Variants in NEDD4L observed in about 807,000 individuals in gnomAD.
The protein encoded by NEDD4L is NEDD4 like E3 ubiquitin protein ligase.
Under a neutral mutation model 148.9 loss-of-function variants are expected in NEDD4L, and 54 were observed. The ratio of observed to expected loss-of-function variants is 0.36; its 90% CI spans 0.29 to 0.45. NEDD4L has a LOEUF of 0.45. Ranked by LOEUF, NEDD4L falls within the 20% of genes least tolerant of loss-of-function variation. NEDD4L has a pLI of 1.00. For synonymous variants in NEDD4L, 433 were observed against 440.7 expected (o/e 0.98, Z 0.22); for missense variants, 856 against 1,233.8 (o/e 0.69, Z 4.59).
intron 1 of NEDD4L, among the ~76,000 whole-genome samples, chr18:58,050,011 A>G (rs760411102): frequency 5.9e-5 from 9 of 151,364 alleles, no homozygotes; most frequent in East Asian, 1.9e-4. Flanking sequence ...ACTAATGAAT[A>G]GAATTTATTT....
chr18:58,385,686 G>C lies in NEDD4L; in HGVS notation c.2487+100G>C, dbSNP rs4149615. ...AGCTAGTGTGGTGGAGCTGATCAGA[G>C]ACAGAGGCGAGGCTGGGGACCCTGC... On this transcript the variant is annotated intron_variant, in intron 26 of 30. Transcript: ENST00000400345. 5,106 of 977,964 alleles carry C rather than the reference G, an allele frequency of 5.2e-3. 40 individuals carry two copies. Among genetic ancestry groups the C allele is most frequent in the South Asian group, 0.019 (1,337 of 72,010 alleles). The allele number at this position is 977,964 out of a possible 1,614,324, so 60.6% of individuals were successfully genotyped here.
At position 58,288,549 on chromosome 18, in the gene NEDD4L, T is replaced by C. The variant is rs535098834; in HGVS notation, c.298-27433T>C. Among the ~76,000 whole-genome samples, 332 of 152,338 alleles carry C rather than the reference T, an allele frequency of 2.2e-3. 3 individuals are homozygous for C. Among genetic ancestry groups the C allele is most frequent in the South Asian group, 5.8e-3 (28 of 4,828 alleles). On this transcript the variant is annotated intron_variant, in intron 5 of 30. Coordinates refer to ENST00000400345, the MANE Select transcript of NEDD4L (RefSeq NM_001144967.3). ...TGAGTGATTTAACTGAATTTTATAG[T>C]TTAATATTGTTGTTGTTTTAACTAA...
intron 2 of NEDD4L, among the ~76,000 whole-genome samples, chr18:58,199,012 G>A (rs769765709): frequency 1.1e-3 from 161 of 152,132 alleles, no homozygotes; most frequent in South Asian, 2.3e-3. Flanking sequence ...GGCTGGTCTC[G>A]AACTCCTGAC....
chr18:58,061,579 TC>T (rs2144699015), intron 1 of NEDD4L, among the ~76,000 whole-genome samples: 1 of 152,074 alleles, frequency 6.6e-6, no homozygotes, highest in African/African-American at 2.4e-5. Context: ...TCGATTTTTT[TC>T]AATCCTGAAG....
chr18:58,297,775 G>C (rs894746165), intron 5 of NEDD4L, among the ~76,000 whole-genome samples: 3 of 152,174 alleles, frequency 2.0e-5, no homozygotes, highest in Non-Finnish European at 2.9e-5. Flanking sequence ...AGCCCCTGCT[G>C]TGCCTGTTCT....
At position 58,357,328 on chromosome 18, in the gene NEDD4L, T is replaced by C; in HGVS notation, c.1767+76T>C. On this transcript the variant is annotated intron_variant, in intron 19 of 30. Coordinates refer to ENST00000400345, the MANE Select transcript of NEDD4L (RefSeq NM_001144967.3). The stretch of plus-strand genomic sequence containing the variant: ...TTACGTGTTTCTTGTGTATTACTGA[T>C]AACGGTGATGTCAAGGGACAACGGT... 2.5e-6 allele frequency: 3 copies of C among 1,224,404 alleles called. No homozygotes were observed. In the South Asian group the frequency reaches 3.6e-5, roughly 15 times the overall value. The allele number at this position is 1,224,404 out of a possible 1,614,324, so 75.8% of individuals were successfully genotyped here. A position where few individuals can be genotyped will look rare whatever the true frequency, so the allele number is the denominator to read the frequency against.
At chr18:58,176,629 C>G (rs919152500) in intron 2 of NEDD4L, among the ~76,000 whole-genome samples, 1 of 152,210 alleles carries the variant, frequency 6.6e-6, no homozygotes, top group African/African-American at 2.4e-5. Context: ...ACCACTGTGT[C>G]CAGCCAGACA....
rs925854013 is a variant in NEDD4L, at chr18:58,255,756, C to G, written c.297+3702C>G. 5 of 1,232,426 alleles carry G rather than the reference C, an allele frequency of 4.1e-6. No homozygotes were observed. In the East Asian group the frequency reaches 1.6e-4, roughly 39 times the overall value. The allele number at this position is 1,232,426 out of a possible 1,614,324, so 76.3% of individuals were successfully genotyped here. A position where few individuals can be genotyped will look rare whatever the true frequency, so the allele number is the denominator to read the frequency against. On this transcript the variant is annotated intron_variant, in intron 5 of 30. Coordinates refer to ENST00000400345, the MANE Select transcript of NEDD4L (RefSeq NM_001144967.3). ...TTCTTCATGGCATTCCACACCCTAC[C>G]GCGGAGAAGCAGCCCGCACCCCTTC...
At chr18:58,234,003 C>T (rs985569518) in intron 2 of NEDD4L, among the ~76,000 whole-genome samples, 4 of 152,108 alleles carry the variant, frequency 2.6e-5, no homozygotes, top group Non-Finnish European at 4.4e-5. Context: ...GAACACCAGT[C>T]ATATTGGATC....
At chr18:58,148,291 G>A (rs1309682329) in intron 1 of NEDD4L, among the ~76,000 whole-genome samples, 3 of 147,966 alleles carry the variant, frequency 2.0e-5, no homozygotes, top group South Asian at 4.3e-4. Context: ...TCAGCCTCCC[G>A]AGTAGCTGGG....
At chr18:58,266,077 G>C (rs1366741137) in intron 5 of NEDD4L, among the ~76,000 whole-genome samples, 2 of 151,966 alleles carry the variant, frequency 1.3e-5, no homozygotes, top group Non-Finnish European at 2.9e-5. Flanking sequence ...TATGTATTTA[G>C]ATTTAGCAAC....
At chr18:58,214,922 C>A (rs2043008451) in intron 2 of NEDD4L, among the ~76,000 whole-genome samples, 1 of 151,586 alleles carries the variant, frequency 6.6e-6, no homozygotes, top group Admixed American at 6.6e-5. Context: ...AGTGATTCTC[C>A]TTCCTCAGCC....
In NEDD4L at chr18:58,333,822, G is replaced by A. The variant is rs527255863; in HGVS notation, c.995G>A (p.Arg332Lys). ...TGTCTTTTCCTCTCCTTCCAGCAAA[G>A]AGAACCCTCCTCAAGGTTGAGGTCA... ...NGEQFSSLIQ[R>K]EPSSRLRSCS... Residue 332 changes from arginine (R) to lysine (K), a missense_variant, in exon 12 of 31, where the codon AGA becomes AAA. Arg to Lys is a conservative substitution (Grantham distance 26, BLOSUM62 2). Around this residue, in one of 4 missense-constraint regions of NEDD4L, gnomAD observed 367 missense variants for 422.7 expected, o/e 0.87. Transcript: ENST00000400345. The A allele has an allele frequency of 1.2e-6, 2 of 1,613,470 alleles. No individual in the cohort carries two copies. Among genetic ancestry groups the A allele is most frequent in the South Asian group, 2.2e-5 (2 of 91,050 alleles).
At chr18:58,306,059 A>G (rs1002719017) in intron 5 of NEDD4L, among the ~76,000 whole-genome samples, 1 of 152,200 alleles carries the variant, frequency 6.6e-6, no homozygotes, top group African/African-American at 2.4e-5. Context: ...TTGGAAAGGC[A>G]GGGATGGAGG....
intron 1 of NEDD4L, among the ~76,000 whole-genome samples, chr18:58,067,123 A>C (rs2082640763): frequency 1.3e-5 from 2 of 152,268 alleles, no homozygotes; most frequent in Non-Finnish European, 2.9e-5. Context: ...GCCGAGAAAG[A>C]TCAACAGCAG....
At chr18:58,322,242 A>G (rs1351761691) in intron 6 of NEDD4L, among the ~76,000 whole-genome samples, 183 bp from the exon 7 acceptor site, 1 of 152,194 alleles carries the variant, frequency 6.6e-6, no homozygotes, top group Non-Finnish European at 1.5e-5. Context: ...CGGTGTGGAT[A>G]GTGACATCTA....
At chr18:58,388,635 C>T (rs1341747628) in intron 27 of NEDD4L, 3 of 156,870 alleles carry the variant, frequency 1.9e-5, no homozygotes, top group Non-Finnish European at 4.2e-5. Flanking sequence ...GGTGATTTGT[C>T]ATCACTGGAA....
At chr18:58,166,709 T>G (rs907260344) in intron 2 of NEDD4L, among the ~76,000 whole-genome samples, 3 of 152,234 alleles carry the variant, frequency 2.0e-5, no homozygotes, top group Non-Finnish European at 2.9e-5. Context: ...CAGTACATTT[T>G]CCTTTGTGGC....
At chr18:58,076,350 C>T (rs192888940) in intron 1 of NEDD4L, among the ~76,000 whole-genome samples, 2 of 152,232 alleles carry the variant, frequency 1.3e-5, no homozygotes, top group East Asian at 3.9e-4. Flanking sequence ...AGAACACCTT[C>T]GTTTCTAAAA....
Sources: allele counts gnomAD v4.1 joint callset (sites outside exome capture counted in the v4.1 genomes callset), GRCh38; gene constraint gnomAD v4.1.1; regional missense constraint gnomAD v4.1.1; transcripts MANE v1.5; gene names NCBI Gene and HGNC (gene_info 2026-07-23, HGNC 2026-07-21).